The following CADM1 variants were observed in gnomAD, a reference collection of about 807,000 sequenced individuals.
The protein encoded by CADM1 is TSLC-1.
Under a neutral mutation model 53.1 loss-of-function variants are expected in CADM1, and 15 were observed. The ratio of observed to expected loss-of-function variants is 0.28; its 90% confidence interval spans 0.19 to 0.44. CADM1 has a LOEUF of 0.44. Among genes scored for constraint, CADM1 ranks in the 20% least tolerant of loss-of-function variants. CADM1 has a pLI of 1.00. For missense variants in CADM1, 434 were observed against 611.3 expected, an observed-to-expected ratio of 0.71 and a Z score of 3.06; for synonymous variants, 281 against 243.0, an observed-to-expected ratio of 1.16 and a Z score of -1.45.
intron 7 of CADM1, among the ~76,000 whole-genome samples, chr11:115,214,281 T>C (rs1941083743): frequency 6.6e-6 from 1 of 152,218 alleles, no homozygotes; most frequent in African/African-American, 2.4e-5. Context: ...CTTTCTGAGC[T>C]GAAAAGCTGC....
chr11:115,338,548 C>G (rs1442542479), intron 1 of CADM1, among the ~76,000 whole-genome samples: 2 of 152,020 alleles, frequency 1.3e-5, no homozygotes, highest in Non-Finnish European at 2.9e-5. Context: ...ATCCTTGAAC[C>G]CAACATGTTT....
intron 1 of CADM1, among the ~76,000 whole-genome samples, chr11:115,286,200 G>A (rs1360813275): frequency 6.6e-6 from 1 of 152,062 alleles, no homozygotes; most frequent in Non-Finnish European, 1.5e-5. Context: ...CTCGTTATAT[G>A]CACACTGAAG....
At chr11:115,338,553 A>G (rs1945328026) in intron 1 of CADM1, among the ~76,000 whole-genome samples, 1 of 152,102 alleles carries the variant, frequency 6.6e-6, no homozygotes, top group African/African-American at 2.4e-5. Context: ...TGAACCCAAC[A>G]TGTTTTCAAG....
intron 1 of CADM1, among the ~76,000 whole-genome samples, chr11:115,278,873 T>A (rs1341244489): frequency 1.3e-5 from 2 of 151,978 alleles, no homozygotes; most frequent in Non-Finnish European, 2.9e-5. Context: ...AAAATGGTGG[T>A]GAGAGAGGAT....
In CADM1 at chr11:115,442,439, A is replaced by C. The variant is rs73578886; in HGVS notation, c.124+61832T>G. 5.3e-3 allele frequency among the ~76,000 whole-genome samples: 802 copies of C among 152,294 alleles called. 6 individuals carry two copies. The highest frequency in any genetic ancestry group is 0.019 in the African/African-American group (777 of 41,560). On this transcript the variant is annotated intron_variant, in intron 1 of 11. Coordinates refer to ENST00000331581, the MANE Select transcript of CADM1 (RefSeq NM_001301043.2). ...AATGACACAAGAGAAGTTCTCATTT[A>C]TGTCACAAGCGAATAGACAGAAAAT...
chr11:115,340,097 C>T (rs139334264), intron 1 of CADM1: 50 of 152,258 alleles, frequency 3.3e-4, no homozygotes, highest in African/African-American at 1.1e-3. Context: ...CCATAAAGCT[C>T]GCGTTCCCGT....
chr11:115,306,072 CCACACACA>C (rs6144515), intron 1 of CADM1, among the ~76,000 whole-genome samples: 3 of 130,390 alleles, frequency 2.3e-5, no homozygotes, highest in Admixed American at 8.2e-5. Context: ...AGGATATATA[CCACACACA>C]CACACACACA....
intron 1 of CADM1, among the ~76,000 whole-genome samples, chr11:115,503,817 G>T (rs973924535): frequency 2.6e-5 from 4 of 152,106 alleles, no homozygotes; most frequent in African/African-American, 7.2e-5. Flanking sequence ...GGAGGCTTCG[G>T]GGATGGAGAA....
chr11:115,492,335 A>C lies in CADM1; in HGVS notation c.124+11936T>G, dbSNP rs183183555. Reference sequence around the variant, plus strand: ...ATGTATGAAATTGGCAACTATAGGAAGTTGGGTGGGAATGGTACAAAAAAC... The same window carrying C: ...ATGTATGAAATTGGCAACTATAGGACGTTGGGTGGGAATGGTACAAAAAAC... On this transcript the variant is annotated intron_variant, in intron 1 of 11. Transcript: ENST00000331581. Among the ~76,000 whole-genome samples, 17 of 152,318 alleles carry C rather than the reference A, an allele frequency of 1.1e-4. No homozygotes were observed. The East Asian group carries it at 3.1e-3, about 28-fold the overall frequency.
At chr11:115,418,629 T>C (rs1367459149) in intron 1 of CADM1, among the ~76,000 whole-genome samples, 6 of 152,154 alleles carry the variant, frequency 3.9e-5, no homozygotes, top group Non-Finnish European at 7.3e-5. Flanking sequence ...AGTTTATACA[T>C]ATTAATGTCA....
At chr11:115,198,919 A>G (rs1940290975) in intron 8 of CADM1, among the ~76,000 whole-genome samples, 1 of 152,232 alleles carries the variant, frequency 6.6e-6, no homozygotes, top group Non-Finnish European at 1.5e-5. Flanking sequence ...CCAATTAGGC[A>G]TCACTGACTC....
At chr11:115,423,084 C>G (rs907937829) in intron 1 of CADM1, among the ~76,000 whole-genome samples, 1 of 151,712 alleles carries the variant, frequency 6.6e-6, no homozygotes. Context: ...AAAGTCGAGG[C>G]CTTAGTGCCA....
chr11:115,474,822 A>G (rs1197443703), intron 1 of CADM1, among the ~76,000 whole-genome samples: 1 of 152,126 alleles, frequency 6.6e-6, no homozygotes, highest in African/African-American at 2.4e-5. Context: ...CGTTGTGCAC[A>G]TGTACCCTAA....
rs547134924 is a variant in CADM1, at chr11:115,315,591, C to T, written c.125-75171G>A. Among the ~76,000 whole-genome samples the T allele has an allele frequency of 7.9e-5, 12 of 151,334 alleles. No individual in the cohort carries two copies. In the South Asian group the frequency reaches 2.5e-3, roughly 32 times the overall value. On this transcript the variant is annotated intron_variant, in intron 1 of 11. Transcript: ENST00000331581. ...CCTCTCCAGAAAACCTGCAGTGTAT[C>T]TTTAAATATACTTTTTGACAGGTGC...
At position 115,465,667 on chromosome 11, in the gene CADM1, G is replaced by A. The variant is rs139771364; in HGVS notation, c.124+38604C>T. Among the ~76,000 whole-genome samples, 593 of 152,236 alleles carry A rather than the reference G, an allele frequency of 3.9e-3. 1 individual carries two copies. Among genetic ancestry groups the A allele is most frequent in the Non-Finnish European group, 6.4e-3 (438 of 67,984 alleles). The stretch of plus-strand genomic sequence containing the variant: ...CAGGTTAGGTTACTTGCACAAAGTC[G>A]CACAGTCGATATCAGAAAAAGACAG... On this transcript the variant is annotated intron_variant, in intron 1 of 11. Coordinates refer to ENST00000331581, the MANE Select transcript of CADM1 (RefSeq NM_001301043.2).
At chr11:115,278,423 G>A (rs781182771) in intron 1 of CADM1, among the ~76,000 whole-genome samples, 16 of 152,230 alleles carry the variant, frequency 1.1e-4, no homozygotes, top group Admixed American at 2.0e-4. Flanking sequence ...AAGGAGCAGG[G>A]CATAATAAAG....
At chr11:115,270,346 A>AG (rs1478092763) in intron 1 of CADM1, among the ~76,000 whole-genome samples, 2 of 152,182 alleles carry the variant, frequency 1.3e-5, no homozygotes, top group African/African-American at 4.8e-5. Context: ...TATTTTACAG[A>AG]GGGGGAAAAA....
intron 1 of CADM1, chr11:115,333,475 T>C (rs1393484116): frequency 1.3e-5 from 2 of 152,184 alleles, no homozygotes; most frequent in African/African-American, 4.8e-5. Context: ...TTAGTCTTTA[T>C]GAGATCACAA....
At chr11:115,367,906 A>G (rs1946208038) in intron 1 of CADM1, among the ~76,000 whole-genome samples, 1 of 152,018 alleles carries the variant, frequency 6.6e-6, no homozygotes, top group South Asian at 2.1e-4. Flanking sequence ...TTTTTTAACA[A>G]CTTGTTTACA....
Sources: allele counts gnomAD v4.1 joint callset (sites outside exome capture counted in the v4.1 genomes callset), GRCh38; gene constraint gnomAD v4.1.1; transcripts MANE v1.5; gene names NCBI Gene and HGNC (gene_info 2026-07-23, HGNC 2026-07-21).